Variants in PRDM10 observed in about 807,000 individuals in gnomAD.
The protein encoded by PRDM10 is PR domain zinc finger protein 10.
PRDM10 carries 65 observed loss-of-function variants against 133.1 expected under a neutral mutation model. The observed-to-expected ratio is 0.49, with a 90% CI of 0.40 to 0.60. PRDM10 has a LOEUF of 0.60. Ranked by LOEUF, PRDM10 falls within the 20% of genes least tolerant of loss-of-function variation. The pLI, the probability that PRDM10 is intolerant of heterozygous loss-of-function variation, is 0.00. For missense variants in PRDM10, 1,137 were observed against 1,507.1 expected (o/e 0.75, Z 4.07); for synonymous variants, 582 against 580.4 (o/e 1.00, Z -0.04).
chr11:129,967,478 C>T (rs1951931626), intron 1 of PRDM10, among the ~76,000 whole-genome samples: 1 of 152,174 alleles, frequency 6.6e-6, no homozygotes, highest in African/African-American at 2.4e-5. Flanking sequence ...TGTAAAATCA[C>T]TGTGTATCTT....
At chr11:129,941,606 G>GT (rs1388610034) in intron 7 of PRDM10, among the ~76,000 whole-genome samples, 1 of 152,214 alleles carries the variant, frequency 6.6e-6, no homozygotes. Context: ...TGACGATGGT[G>GT]TGAGAGTGAG....
At chr11:129,962,812 C>G (rs58103005) in intron 1 of PRDM10, among the ~76,000 whole-genome samples, 2 of 151,928 alleles carry the variant, frequency 1.3e-5, no homozygotes, top group Non-Finnish European at 2.9e-5. Context: ...GGTATATAAA[C>G]TATATCTCAA....
chr11:129,948,053 G>A (rs1192108881), intron 4 of PRDM10: 2 of 456,590 alleles, frequency 4.4e-6, no homozygotes, highest in South Asian at 1.5e-5. Flanking sequence ...AGGTTTTTAA[G>A]TAAGAATGAA....
At chr11:129,931,630 C>A (rs921752842) in intron 10 of PRDM10, among the ~76,000 whole-genome samples, 1 of 150,720 alleles carries the variant, frequency 6.6e-6, no homozygotes, top group South Asian at 2.1e-4. Context: ...TGCAGTGGCG[C>A]GATCTCGACT....
chr11:129,995,683 C>T (rs1013123968), intron 1 of PRDM10, among the ~76,000 whole-genome samples: 5 of 151,874 alleles, frequency 3.3e-5, no homozygotes, highest in Admixed American at 6.6e-5. Flanking sequence ...CCGTAGCGCA[C>T]GCCTGTAACT....
At chr11:130,000,002 T>C (rs1010666830) in intron 1 of PRDM10, among the ~76,000 whole-genome samples, 1 of 151,926 alleles carries the variant, frequency 6.6e-6, no homozygotes, top group Non-Finnish European at 1.5e-5. Context: ...AGATTATCTC[T>C]GGGTAATTAT....
intron 1 of PRDM10, among the ~76,000 whole-genome samples, chr11:129,997,258 C>T (rs952369521): frequency 6.6e-6 from 1 of 152,190 alleles, no homozygotes; most frequent in African/African-American, 2.4e-5. Flanking sequence ...ATGGGTGGAT[C>T]GCTTGAGCCA....
At chr11:129,987,981 A>G (rs1938522289) in intron 1 of PRDM10, among the ~76,000 whole-genome samples, 2 of 152,208 alleles carry the variant, frequency 1.3e-5, no homozygotes, top group South Asian at 4.1e-4. Context: ...GGCCTGGGCG[A>G]AAGAGTGAAA....
intron 11 of PRDM10, 43 bp downstream of exon 11, chr11:129,930,973 G>A: frequency 6.4e-7 from 1 of 1,558,620 alleles, no homozygotes. Context: ...GTGGGAGGAA[G>A]ATGAGCGGCT....
chr11:129,924,642 C>A (rs1470695073), intron 12 of PRDM10, among the ~76,000 whole-genome samples: 1 of 152,122 alleles, frequency 6.6e-6, no homozygotes, highest in Non-Finnish European at 1.5e-5. Context: ...TATAATAGAT[C>A]TGGGTGTTTA....
intron 1 of PRDM10, among the ~76,000 whole-genome samples, chr11:129,966,069 C>A (rs1257832062): frequency 6.6e-6 from 1 of 151,932 alleles, no homozygotes; most frequent in East Asian, 1.9e-4. Flanking sequence ...CATGGTGAAA[C>A]CCCATCTCTA....
In PRDM10 at chr11:129,901,129, G is replaced by C. The variant is rs1293877845; in HGVS notation, c.*1184C>G. The C allele has an allele frequency of 6.6e-6, 1 of 152,500 alleles. No individual in the cohort carries two copies. Among genetic ancestry groups the C allele is most frequent in the African/African-American group, 2.4e-5 (1 of 41,408 alleles). The allele number at this position is 152,500 out of a possible 1,614,324, so 9.4% of individuals were successfully genotyped here. A position where few individuals can be genotyped will look rare whatever the true frequency, so the allele number is the denominator to read the frequency against. ...ACTAATAGTATATTCATAAAGACTG[G>C]ATTTCTTCCAGATCCCTTATAACTA... On this transcript the variant is annotated 3_prime_UTR_variant, in exon 21 of 21. Transcript: ENST00000360871.
At chr11:129,981,584 C>A (rs1348388658) in intron 1 of PRDM10, among the ~76,000 whole-genome samples, 3 of 152,008 alleles carry the variant, frequency 2.0e-5, no homozygotes, top group Non-Finnish European at 4.4e-5. Context: ...TACAGATGTG[C>A]CAATCATTTA....
At chr11:129,932,314 C>A (rs1451030413) in intron 9 of PRDM10, 83 bp from the exon 10 acceptor site, 5 of 1,511,934 alleles carry the variant, frequency 3.3e-6, no homozygotes, top group Non-Finnish European at 4.5e-6. Context: ...TCCTTACTAA[C>A]CCCAGAGTTT....
rs781423044 is a variant in PRDM10, at chr11:129,912,212, T to C, written c.2855A>G (p.His952Arg). 2 of 1,590,544 alleles carry C rather than the reference T, an allele frequency of 1.3e-6. No individual in the cohort carries two copies. The highest frequency in any genetic ancestry group is 1.7e-6 in the Non-Finnish European group (2 of 1,165,962). ...ATCCACAGTGGACTGCTGTGACTGG[T>C]GAGGGGAAGTGGCCTGGAAGGAGAA... ...VVQVASATSP[H>R]QSQQSTVDVG... The change falls in exon 18 of 21, where the codon CAC (histidine) becomes CGC (arginine). Residue 952 changes from histidine (H) to arginine (R), a missense_variant. Around this residue, in one of 6 missense-constraint regions of PRDM10, gnomAD observed 243 missense variants for 259.2 expected, o/e 0.94. Coordinates refer to ENST00000360871, the MANE Select transcript of PRDM10 (RefSeq NM_199437.2).
Position 129,937,604 on chromosome 11 carries a change from T to C in PRDM10, c.1033A>G (p.Arg345Gly). The change falls in exon 8 of 21, where the codon AGG becomes GGG. Residue 345 changes from arginine (R) to glycine (G), a missense_variant. By Grantham distance (125) the Arg-to-Gly change is moderately radical. Around this residue, in one of 6 missense-constraint regions of PRDM10, gnomAD observed 635 missense variants for 835.2 expected, o/e 0.76. Transcript: ENST00000360871. ...QKIHDISEEE[R>G]KVLREQEKNW... The stretch of plus-strand genomic sequence containing the variant: ...AACATAAACGTCTAACCACCTTTCC[T>C]TTCTTCCTCAGAAATGTCATGAATT... 2.5e-6 allele frequency: 4 copies of C among 1,613,506 alleles called. No homozygotes were observed. The highest frequency in any genetic ancestry group is 3.4e-6 in the Non-Finnish European group (4 of 1,179,816).
chr11:129,936,849 T>G (rs1951049988), intron 8 of PRDM10, among the ~76,000 whole-genome samples: 1 of 152,134 alleles, frequency 6.6e-6, no homozygotes, highest in Admixed American at 6.5e-5. Flanking sequence ...TAACTCTGGA[T>G]AGTTAGTGTC....
chr11:129,927,996 A>G (rs932010315), intron 11 of PRDM10, among the ~76,000 whole-genome samples: 4 of 152,172 alleles, frequency 2.6e-5, no homozygotes, highest in African/African-American at 7.2e-5. Context: ...GGATACCAAA[A>G]TCGTATTGTT....
In PRDM10 at chr11:129,923,799, G is replaced by A. The variant is rs1428164514; in HGVS notation, c.1879-396C>T. 6.6e-6 allele frequency among the ~76,000 whole-genome samples: 1 copy of A among 152,046 alleles called. No homozygotes were observed. The highest frequency in any genetic ancestry group is 1.5e-5 in the Non-Finnish European group (1 of 68,030). On this transcript the variant is annotated intron_variant, in intron 12 of 20. Transcript: ENST00000360871. The surrounding 1 kb of genome is among the most constrained non-coding windows in gnomAD (Gnocchi z 4.4). Reference sequence around the variant, plus strand: ...AAATCTTGCTAAAAAGGATCTATAGGAAGACAAAAACCAATTCTTCCTTAC... The same window carrying A: ...AAATCTTGCTAAAAAGGATCTATAGAAAGACAAAAACCAATTCTTCCTTAC...
Sources: gnomAD v4.1 joint callset for allele counts (sites outside exome capture counted in the v4.1 genomes callset) on GRCh38, gnomAD v4.1.1 for gene constraint, gnomAD v4.1.1 regional missense constraint, Gnocchi (gnomAD v3.1) non-coding constraint, MANE v1.5 for transcripts, NCBI Gene and HGNC (gene_info 2026-07-23, HGNC 2026-07-21) for gene names.